The following CHN2 variants were observed in gnomAD, a reference collection of about 807,000 sequenced individuals.
CHN2 encodes the protein chimerin 2, also known as beta-chimaerin.
A neutral mutation model predicts 56.3 loss-of-function variants in CHN2; 35 were observed. The observed-to-expected ratio is 0.62, with a 90% CI of 0.47 to 0.82. CHN2 has a LOEUF of 0.82. Ranked by LOEUF, CHN2 falls within the 40% of genes least tolerant of loss-of-function variation. CHN2 has a pLI of 0.00. For synonymous variants in CHN2, 210 were observed against 212.8 expected (o/e 0.99, Z 0.12); for missense variants, 491 against 580.5 (o/e 0.85, Z 1.58).
intron 1 of CHN2, among the ~76,000 whole-genome samples, chr7:29,351,952 A>G (rs1300090403): frequency 6.6e-6 from 1 of 152,232 alleles, no homozygotes; most frequent in East Asian, 1.9e-4. Context: ...CATCTGGAAC[A>G]GACTGGGTTG....
At chr7:29,310,256 A>T (rs1411641714) in intron 1 of CHN2, among the ~76,000 whole-genome samples, 1 of 152,228 alleles carries the variant, frequency 6.6e-6, no homozygotes, top group Non-Finnish European at 1.5e-5. Context: ...ATAAAAATAA[A>T]TTATGATACA....
At chr7:29,435,642 A>G (rs1289146948) in intron 6 of CHN2, among the ~76,000 whole-genome samples, 1 of 152,188 alleles carries the variant, frequency 6.6e-6, no homozygotes. Context: ...TTATAATATT[A>G]TAATCTTATG....
chr7:29,509,488 C>A (rs1791017258), intron 12 of CHN2, 82 bp downstream of exon 12: 2 of 1,044,034 alleles, frequency 1.9e-6, no homozygotes, highest in Non-Finnish European at 3.0e-6. Context: ...CATTCCTCCC[C>A]AGCCATAACT....
At chr7:29,403,723 ATTCT>A (rs770749163) in intron 6 of CHN2, among the ~76,000 whole-genome samples, 2 of 152,056 alleles carry the variant, frequency 1.3e-5, no homozygotes, top group South Asian at 2.1e-4. Context: ...CTCCCCACTG[ATTCT>A]TTATTTAGTT....
chr7:29,356,680 T>G (rs1210107601), intron 2 of CHN2, among the ~76,000 whole-genome samples: 1 of 152,220 alleles, frequency 6.6e-6, no homozygotes, highest in East Asian at 1.9e-4. Flanking sequence ...CTTCGTTACA[T>G]AAGTCTGTTC....
At chr7:29,341,375 A>C (rs1797043484) in intron 1 of CHN2, among the ~76,000 whole-genome samples, 1 of 152,164 alleles carries the variant, frequency 6.6e-6, no homozygotes, top group Admixed American at 6.5e-5. Context: ...CTACAATTAT[A>C]TTAACCGCAC....
Position 29,222,031 on chromosome 7 carries a change from A to G in CHN2, c.49+27041A>G, listed in dbSNP as rs117568731. The stretch of plus-strand genomic sequence containing the variant: ...TTCTGCTTCTAGATCTTTAAAATCA[A>G]TGTGCAAAAATTGCTTGCATTTCTA... On this transcript the variant is annotated intron_variant, in intron 1 of 12. Transcript: ENST00000222792. 1.4e-4 allele frequency among the ~76,000 whole-genome samples: 21 copies of G among 152,306 alleles called. No individual in the cohort carries two copies. In the East Asian group the frequency reaches 3.9e-3, roughly 28 times the overall value.
chr7:29,237,744 T>A (rs1395049047), intron 1 of CHN2, among the ~76,000 whole-genome samples: 1 of 151,918 alleles, frequency 6.6e-6, no homozygotes, highest in Non-Finnish European at 1.5e-5. Flanking sequence ...CAAACAGAAG[T>A]TCCAAAGCCA....
At chr7:29,489,868 T>A (rs1011059875) in intron 7 of CHN2, among the ~76,000 whole-genome samples, 1 of 152,182 alleles carries the variant, frequency 6.6e-6, no homozygotes, top group Non-Finnish European at 1.5e-5. Flanking sequence ...CAATTATTTT[T>A]AAAAATATTG....
At chr7:29,399,697 C>G (rs1802046444) in intron 5 of CHN2, among the ~76,000 whole-genome samples, 1 of 152,158 alleles carries the variant, frequency 6.6e-6, no homozygotes, top group African/African-American at 2.4e-5. Flanking sequence ...TGGTGTGTTC[C>G]ATGCACCATC....
intron 6 of CHN2, among the ~76,000 whole-genome samples, chr7:29,431,884 T>A (rs535815934): frequency 6.6e-6 from 1 of 152,344 alleles, no homozygotes; most frequent in Admixed American, 6.5e-5. Flanking sequence ...CCTGATGGCC[T>A]GATTTTGAGA....
chr7:29,222,097 A>C (rs1785847967), intron 1 of CHN2, among the ~76,000 whole-genome samples: 1 of 152,182 alleles, frequency 6.6e-6, no homozygotes, highest in Admixed American at 6.5e-5. Flanking sequence ...ATCAGGAAGG[A>C]TCTCCCATTC....
At chr7:29,509,956 G>A (rs1295534888) in intron 12 of CHN2, among the ~76,000 whole-genome samples, 1 of 152,156 alleles carries the variant, frequency 6.6e-6, no homozygotes, top group Non-Finnish European at 1.5e-5. Context: ...GTGAAGGCAG[G>A]ATCCCAGGCA....
chr7:29,385,488 A>C (rs1172045295), intron 3 of CHN2, among the ~76,000 whole-genome samples: 2 of 152,160 alleles, frequency 1.3e-5, no homozygotes, highest in African/African-American at 4.8e-5. Context: ...GAGTCCTGAC[A>C]GTCAAAACTG....
chr7:29,355,934 C>G (rs1373396475), intron 2 of CHN2, among the ~76,000 whole-genome samples: 1 of 151,796 alleles, frequency 6.6e-6, no homozygotes, highest in Admixed American at 6.6e-5. Context: ...TTAAAGGCGC[C>G]ATCACACCCA....
chr7:29,250,597 A>G (rs1423710001), intron 1 of CHN2, among the ~76,000 whole-genome samples: 1 of 152,234 alleles, frequency 6.6e-6, no homozygotes, highest in Non-Finnish European at 1.5e-5. Context: ...TTAGACTAGG[A>G]ACTCTGATTT....
chr7:29,443,880 A>T (rs968460518), intron 6 of CHN2, among the ~76,000 whole-genome samples: 2 of 152,186 alleles, frequency 1.3e-5, no homozygotes, highest in Non-Finnish European at 2.9e-5. Flanking sequence ...GGTCAAGCCT[A>T]ATAAGAACTA....
At chr7:29,506,745 AAAACAAAC>A (rs376822834) in intron 10 of CHN2, among the ~76,000 whole-genome samples, 2 of 152,212 alleles carry the variant, frequency 1.3e-5, no homozygotes, top group Non-Finnish European at 2.9e-5. Flanking sequence ...GATCAAGTTA[AAAACAAAC>A]AAACAAACCC....
intron 3 of CHN2, among the ~76,000 whole-genome samples, chr7:29,382,108 G>A (rs78038440): frequency 1.2e-4 from 18 of 152,318 alleles, no homozygotes; most frequent in African/African-American, 4.3e-4. Context: ...GTTGATATAT[G>A]TAAAGAAAGT....
Sources: allele counts gnomAD v4.1 joint callset (sites outside exome capture counted in the v4.1 genomes callset), GRCh38; gene constraint gnomAD v4.1.1; transcripts MANE v1.5; gene names NCBI Gene and HGNC (gene_info 2026-07-23, HGNC 2026-07-21).